Variants in AMBP observed in about 807,000 individuals in gnomAD.
The protein encoded by AMBP is protein AMBP.
AMBP carries 37 observed loss-of-function variants against 46.3 expected under a neutral mutation model. The observed-to-expected ratio is 0.80, with a 90% CI of 0.61 to 1.05. The LOEUF is 1.05. AMBP is among the 50% of genes least tolerant of loss of function. The pLI is 0.00. For missense variants in AMBP, 475 were observed against 461.2 expected (o/e 1.03, Z -0.27); for synonymous variants, 174 against 175.9 (o/e 0.99, Z 0.09).
Position 114,060,209 on chromosome 9 carries a change from C to G in AMBP, c.*30G>C, listed in dbSNP as rs1033048873. Reference sequence around the variant, plus strand: ...CACAGGACCCCGGGACAGACACTGGCCATCCTCTGACTTGCAGACCGGCCA... The same window carrying G: ...CACAGGACCCCGGGACAGACACTGGGCATCCTCTGACTTGCAGACCGGCCA... On this transcript the variant is annotated 3_prime_UTR_variant, in exon 10 of 10. Coordinates refer to ENST00000265132, the MANE Select transcript of AMBP (RefSeq NM_001633.4). The G allele has an allele frequency of 6.8e-6, 11 of 1,608,890 alleles. No individual in the cohort carries two copies. Among genetic ancestry groups the G allele is most frequent in the Non-Finnish European group, 9.3e-6 (11 of 1,177,228 alleles).
At chr9:114,060,492 C>T (rs1193410158) in intron 9 of AMBP, among the ~76,000 whole-genome samples, 1 of 152,174 alleles carries the variant, frequency 6.6e-6, no homozygotes, top group African/African-American at 2.4e-5. Context: ...GTTGCTCTTC[C>T]CTGGAATGCT....
intron 1 of AMBP, 137 bp downstream of exon 1, chr9:114,077,956 T>C: frequency 1.2e-6 from 1 of 867,324 alleles, no homozygotes; most frequent in Non-Finnish European, 1.9e-6. Context: ...GAGCTGTACC[T>C]TCAAAGGATC....
Position 114,061,475 on chromosome 9 carries a change from C to T in AMBP, c.802G>A (p.Gly268Ser), listed in dbSNP as rs779164504. ...TFQYGGCMGN[G>S]NNFVTEKECL... ...TCCTTTTCTGTGACGAAGTTGTTAC[C>T]GTTGCCCATGCAGCCGCCGTACTGG... Residue 268 changes from glycine (G) to serine (S), a missense_variant, in exon 8 of 10, where the codon GGT (glycine) becomes AGT (serine). Physicochemically the swap from Gly to Ser is moderately conservative, Grantham distance 56 (BLOSUM62 0). This residue lies in a region of AMBP where 293 missense variants were observed against 276.9 expected (regional missense o/e 1.06). Transcript: ENST00000265132. The T allele has an allele frequency of 1.1e-5, 17 of 1,613,988 alleles. No individual in the cohort carries two copies. The highest frequency in any genetic ancestry group is 1.6e-4 in the Middle Eastern group (1 of 6,084).
Position 114,060,234 on chromosome 9 carries a change from A to AGTT in AMBP, c.*2_*4dup, listed in dbSNP as rs1364913426. On this transcript the variant is annotated 3_prime_UTR_variant, in exon 10 of 10. Transcript: ENST00000265132. ...CCATCCTCTGACTTGCAGACCGGCC[A>AGTT]GTTGTCAGTTGGAGAAGCGCAGCAG... is the stretch of plus-strand genomic sequence containing the variant. 1.2e-6 allele frequency: 2 copies of AGTT among 1,612,728 alleles called. No homozygotes were observed. Among genetic ancestry groups the AGTT allele is most frequent in the African/African-American group, 1.3e-5 (1 of 74,906 alleles).
chr9:114,077,134 C>T (rs1271605072), intron 1 of AMBP, among the ~76,000 whole-genome samples: 1 of 152,192 alleles, frequency 6.6e-6, no homozygotes, highest in Admixed American at 6.5e-5. Context: ...CCCACAGCCC[C>T]ATGTTAGGAA....
intron 4 of AMBP, 117 bp from the exon 5 acceptor site, chr9:114,073,143 G>A (rs1042460815): frequency 1.5e-5 from 13 of 858,656 alleles, no homozygotes; most frequent in Non-Finnish European, 2.3e-5. Context: ...TATTGATGCA[G>A]TTTAATCTAT....
Position 114,076,717 on chromosome 9 carries a change from CAGGTTGT to C in AMBP, c.134_140del (p.Tyr45TrpfsTer10). 1 of 1,614,046 alleles carries C rather than the reference CAGGTTGT, an allele frequency of 6.2e-7. No individual in the cohort carries two copies. The highest frequency in any genetic ancestry group is 8.5e-7 in the Non-Finnish European group (1 of 1,179,980). The stretch of plus-strand genomic sequence containing the variant: ...GCCAGGGGCAGGTGGAACCGATGGC[CAGGTTGT>C]ACCACTTCCCATAGATCTAGGAGGC... On this transcript the variant is annotated frameshift_variant, in exon 2 of 10. Coordinates refer to ENST00000265132, the MANE Select transcript of AMBP (RefSeq NM_001633.4). LOFTEE classifies it high-confidence loss of function.
intron 2 of AMBP, 83 bp from the exon 3 acceptor site, chr9:114,075,119 C>A: frequency 8.9e-7 from 1 of 1,126,134 alleles, no homozygotes; most frequent in Non-Finnish European, 1.3e-6. Flanking sequence ...GGGCTCTTTC[C>A]AAATGCCTTG....
chr9:114,064,393 C>A (rs1588488375), intron 6 of AMBP, among the ~76,000 whole-genome samples: 1 of 151,502 alleles, frequency 6.6e-6, no homozygotes, highest in Non-Finnish European at 1.5e-5. Flanking sequence ...TATTTAGAAA[C>A]AATTTTTTTT....
At chr9:114,065,787 C>T (rs1243101635) in intron 6 of AMBP, among the ~76,000 whole-genome samples, 1 of 152,102 alleles carries the variant, frequency 6.6e-6, no homozygotes, top group East Asian at 1.9e-4. Flanking sequence ...AATGACACCT[C>T]CCATTGTACC....
Position 114,061,524 on chromosome 9 carries a change from A to AC in AMBP, c.752dup (p.Thr252TyrfsTer6). On this transcript the variant is annotated frameshift_variant, in exon 8 of 10. Transcript: ENST00000265132. LOFTEE classifies it high-confidence loss of function. ...GGAAAGTCTCACAGGCCATGGATGT[A>AC]CCATTATAGAAATACCTGCTGGTCA... The AC allele has an allele frequency of 6.2e-7, 1 of 1,614,024 alleles. No homozygotes were observed. The highest frequency in any genetic ancestry group is 8.5e-7 in the Non-Finnish European group (1 of 1,179,958).
chr9:114,064,086 G>A (rs1472224153), intron 6 of AMBP, among the ~76,000 whole-genome samples: 2 of 152,186 alleles, frequency 1.3e-5, no homozygotes, highest in Non-Finnish European at 2.9e-5. Flanking sequence ...AGCAATATCT[G>A]AAGGTTTTAA....
intron 3 of AMBP, 138 bp from the exon 4 acceptor site, chr9:114,074,290 T>C (rs1846780673): frequency 1.5e-6 from 1 of 666,114 alleles, no homozygotes; most frequent in African/African-American, 1.8e-5. Context: ...TCTCCATTTA[T>C]CAATTCATCC....
intron 6 of AMBP, among the ~76,000 whole-genome samples, chr9:114,067,547 C>T (rs536528217): frequency 5.3e-5 from 8 of 152,314 alleles, no homozygotes; most frequent in East Asian, 3.9e-4. Context: ...TGAGCCACTG[C>T]ACCCAACCCC....
intron 4 of AMBP, among the ~76,000 whole-genome samples, chr9:114,073,246 T>TC (rs200617792): frequency 1.3e-5 from 2 of 148,572 alleles, no homozygotes; most frequent in African/African-American, 5.0e-5. Flanking sequence ...AAAGGACTCT[T>TC]CCCCTTTTTT....
intron 4 of AMBP, 25 bp downstream of exon 4, chr9:114,074,011 G>T (rs760700571): frequency 1.2e-6 from 2 of 1,601,060 alleles, no homozygotes; most frequent in Non-Finnish European, 1.7e-6. Flanking sequence ...AACTCCAATG[G>T]GCACATCTAG....
chr9:114,061,713 A>G (rs931413096), intron 7 of AMBP, 122 bp from the exon 8 acceptor site: 3 of 1,149,986 alleles, frequency 2.6e-6, no homozygotes, highest in African/African-American at 3.1e-5. Context: ...TTCTTTTTAG[A>G]TAAGCAAACT....
At chr9:114,070,260 C>T (rs16912311) in intron 5 of AMBP, among the ~76,000 whole-genome samples, 42,564 of 152,082 alleles carry the variant, frequency 0.28, 6,287 homozygotes, top group East Asian at 0.39. Context: ...GGCACGAGCA[C>T]TGGTGGTAGC....
chr9:114,061,605 G>T lies in AMBP; in HGVS notation c.686-14C>A, dbSNP rs777327175. ...GCTGGCAGGAATCTAGGGAGGGGCA[G>T]ACCAGCAGCACTGACCAAGTGTTGA... On this transcript the variant is annotated splice_polypyrimidine_tract_variant and intron_variant, in intron 7 of 9. Coordinates refer to ENST00000265132, the MANE Select transcript of AMBP (RefSeq NM_001633.4). The T allele has an allele frequency of 4.0e-5, 64 of 1,585,456 alleles. No individual in the cohort carries two copies. Among genetic ancestry groups the T allele is most frequent in the Non-Finnish European group, 5.4e-5 (63 of 1,163,118 alleles).
Sources: gnomAD v4.1 joint callset for allele counts (sites outside exome capture counted in the v4.1 genomes callset) on GRCh38, gnomAD v4.1.1 for gene constraint, gnomAD v4.1.1 regional missense constraint, MANE v1.5 for transcripts, NCBI Gene and HGNC (gene_info 2026-07-23, HGNC 2026-07-21) for gene names.